The following JAK1 variants were observed in gnomAD, a reference collection of about 807,000 sequenced individuals.
JAK1 encodes the protein Janus kinase 1, also known as tyrosine-protein kinase JAK1.
A neutral mutation model predicts 136.6 loss-of-function variants in JAK1; 16 were observed. The observed-to-expected ratio is 0.12, with a 90% confidence interval of 0.08 to 0.18. The LOEUF is 0.18. Ranked by LOEUF, JAK1 falls within the 10% of genes least tolerant of loss-of-function variation. The probability of loss-of-function intolerance (pLI) is 1.00; values close to 1 mark genes in which losing one functional copy is unlikely to be tolerated. For synonymous variants in JAK1, 492 were observed against 519.5 expected, an observed-to-expected ratio of 0.95 and a Z score of 0.72; for missense variants, 859 against 1,450.1, an observed-to-expected ratio of 0.59 and a Z score of 6.62.
At chr1:64,927,976 T>C (rs1645610965) in intron 1 of JAK1, among the ~76,000 whole-genome samples, 1 of 152,190 alleles carries the variant, frequency 6.6e-6, no homozygotes, top group South Asian at 2.1e-4. Flanking sequence ...TCAGACAAGA[T>C]GCTGTTTTCT....
chr1:65,017,930 C>A (rs947855334), intron 2 of JAK1, among the ~76,000 whole-genome samples: 2 of 151,984 alleles, frequency 1.3e-5, no homozygotes, highest in African/African-American at 4.8e-5. Flanking sequence ...CTGCCTCAGC[C>A]TCCCAAGTAG....
chr1:64,873,583 G>A (rs559213531), intron 4 of JAK1, 60 bp from the exon 5 acceptor site: 96 of 1,600,170 alleles, frequency 6.0e-5, no homozygotes, highest in East Asian at 1.8e-4. Flanking sequence ...TGGGCAGGGC[G>A]TCCTGGCTCA....
At chr1:65,066,166 G>A (rs1648031360) in intron 1 of JAK1, among the ~76,000 whole-genome samples, 1 of 152,120 alleles carries the variant, frequency 6.6e-6, no homozygotes. Context: ...CTTTCTCCAG[G>A]AAGGTGGCAG....
chr1:64,913,686 A>AGGAAGGAAGGAG (rs1557686610), intron 1 of JAK1, among the ~76,000 whole-genome samples: 39 of 28,898 alleles, frequency 1.3e-3, no homozygotes, highest in African/African-American at 4.0e-3. Flanking sequence ...GAAGGAAGGA[A>AGGAAGGAAGGAG]GGAAGGAAGG....
At position 64,973,276 on chromosome 1, in the gene JAK1, GGAAA is replaced by G. The variant is rs547533492; in HGVS notation, c.-78+71200_-78+71203del. On this transcript the variant is annotated intron_variant, in intron 2 of 25. Coordinates refer to the JAK1 transcript ENST00000671954. ...AAGAGAGAAAGAAAGACGGAAGGAA[GGAAA>G]GAAAGAAAGGGCGAGAAAGAAAGAG... 5.6e-3 allele frequency among the ~76,000 whole-genome samples: 797 copies of G among 143,504 alleles called. 12 individuals carry two copies. The highest frequency in any genetic ancestry group is 0.02 in the Admixed American group (268 of 13,286). 94.1% of individuals were successfully genotyped at this position (143,504 alleles called of 152,430 possible). A position where few individuals can be genotyped will look rare whatever the true frequency, so the allele number is the denominator to read the frequency against.
At chr1:65,001,151 G>A (rs941826217) in intron 2 of JAK1, among the ~76,000 whole-genome samples, 25 of 152,140 alleles carry the variant, frequency 1.6e-4, no homozygotes, top group African/African-American at 5.3e-4. Flanking sequence ...AAATGGAGTG[G>A]ACAATTTCCA....
At chr1:65,012,925 C>T (rs1231938452) in intron 2 of JAK1, among the ~76,000 whole-genome samples, 1 of 151,594 alleles carries the variant, frequency 6.6e-6, no homozygotes, top group African/African-American at 2.4e-5. Flanking sequence ...AACCCCATCT[C>T]TACTAAAAAT....
intron 8 of JAK1, among the ~76,000 whole-genome samples, chr1:64,863,212 A>G (rs1656466638): frequency 6.6e-6 from 1 of 150,872 alleles, no homozygotes; most frequent in South Asian, 2.1e-4. Flanking sequence ...GCAGCATATG[A>G]CAGGGGGCCT....
chr1:64,933,414 C>T (rs1481964901), intron 1 of JAK1, among the ~76,000 whole-genome samples: 1 of 152,202 alleles, frequency 6.6e-6, no homozygotes, highest in Non-Finnish European at 1.5e-5. Flanking sequence ...GCCTAAGTGA[C>T]GTATCCCTGT....
chr1:64,911,227 C>T (rs887434931), intron 1 of JAK1, among the ~76,000 whole-genome samples: 6 of 152,080 alleles, frequency 3.9e-5, no homozygotes, highest in South Asian at 4.1e-4. Context: ...GGCCAGAAAA[C>T]CTTCCTACTT....
At chr1:65,054,629 C>A (rs373574087) in intron 1 of JAK1, among the ~76,000 whole-genome samples, 1 of 152,102 alleles carries the variant, frequency 6.6e-6, no homozygotes, top group South Asian at 2.1e-4. Flanking sequence ...ACTCCAAAGA[C>A]GTGGGCAGTT....
upstream of JAK1, among the ~76,000 whole-genome samples, chr1:64,970,941 C>A (rs74080232): frequency 0.02 from 2,993 of 152,236 alleles, 120 homozygotes; most frequent in African/African-American, 0.069. Context: ...AACCACCCAA[C>A]CATCAATCAT....
At chr1:64,870,535 G>A (rs1189704388) in intron 5 of JAK1, among the ~76,000 whole-genome samples, 1 of 152,072 alleles carries the variant, frequency 6.6e-6, no homozygotes, top group East Asian at 1.9e-4. Flanking sequence ...GGTAGGCTGG[G>A]ATTAAATCTA....
At chr1:64,901,097 C>G (rs1370635677) in intron 1 of JAK1, among the ~76,000 whole-genome samples, 1 of 152,212 alleles carries the variant, frequency 6.6e-6, no homozygotes, top group Non-Finnish European at 1.5e-5. Flanking sequence ...ACCCTGAGGG[C>G]AGGGACTGCA....
chr1:64,930,351 C>T (rs763054710), intron 1 of JAK1, among the ~76,000 whole-genome samples: 12 of 152,144 alleles, frequency 7.9e-5, no homozygotes, highest in Non-Finnish European at 1.6e-4. Context: ...AATGAACAGA[C>T]ATTTCTCAAA....
intron 1 of JAK1, among the ~76,000 whole-genome samples, chr1:64,926,578 C>T (rs780809768): frequency 2.0e-4 from 30 of 152,304 alleles, no homozygotes; most frequent in Non-Finnish European, 4.3e-4. Context: ...ACAACCACCA[C>T]CACCACTAGA....
At chr1:64,966,669 C>G (rs1029977151), upstream of JAK1, among the ~76,000 whole-genome samples, 17 of 150,052 alleles carry the variant, frequency 1.1e-4, no homozygotes, top group African/African-American at 3.9e-4. Flanking sequence ...GTCGCGGTCC[C>G]GGCGGAGACT....
chr1:64,961,484 G>A (rs1646281559), intron 1 of JAK1, among the ~76,000 whole-genome samples: 1 of 152,076 alleles, frequency 6.6e-6, no homozygotes, highest in Non-Finnish European at 1.5e-5. Flanking sequence ...TTCAACAGAG[G>A]CCTCAGTCCC....
chr1:64,892,393 G>A (rs913803000), intron 1 of JAK1, among the ~76,000 whole-genome samples: 3 of 152,052 alleles, frequency 2.0e-5, no homozygotes, highest in Admixed American at 1.3e-4. Flanking sequence ...TGAACCTCCT[G>A]CCTCAGCCTC....
Sources: allele counts gnomAD v4.1 joint callset (sites outside exome capture counted in the v4.1 genomes callset), GRCh38; gene constraint gnomAD v4.1.1; transcripts MANE v1.5; gene names NCBI Gene and HGNC (gene_info 2026-07-23, HGNC 2026-07-21).